The following GALNT14 variants were observed in gnomAD, a reference collection of about 807,000 sequenced individuals.
GALNT14 encodes the protein UDP-GalNAc:polypeptide N-acetylgalactosaminyltransferase 14.
Under a neutral mutation model 77.5 loss-of-function variants are expected in GALNT14, and 60 were observed. The observed-to-expected ratio is 0.77, with a 90% CI of 0.63 to 0.96. The LOEUF is 0.96. GALNT14 is among the 40% of genes least tolerant of loss of function. The probability of loss-of-function intolerance (pLI) is 0.00; values close to 1 mark genes in which losing one functional copy is unlikely to be tolerated. For missense variants in GALNT14, 710 were observed against 731.0 expected, an observed-to-expected ratio of 0.97 and a Z score of 0.33; for synonymous variants, 280 against 281.7, an observed-to-expected ratio of 0.99 and a Z score of 0.06.
At chr2:31,046,259 C>T (rs1430230778) in intron 1 of GALNT14, among the ~76,000 whole-genome samples, 1 of 146,624 alleles carries the variant, frequency 6.8e-6, no homozygotes, top group Non-Finnish European at 1.5e-5. Context: ...TGGAGTCTCG[C>T]TCTGTCGCCC....
intron 2 of GALNT14, among the ~76,000 whole-genome samples, chr2:30,974,337 T>C (rs1269678888): frequency 1.3e-5 from 2 of 152,260 alleles, no homozygotes; most frequent in Non-Finnish European, 2.9e-5. Flanking sequence ...TCTCTGGCTG[T>C]ATCCCTTTTC....
chr2:31,032,469 AAACAG>A, intron 1 of GALNT14, among the ~76,000 whole-genome samples: 1 of 152,176 alleles, frequency 6.6e-6, no homozygotes, highest in Non-Finnish European at 1.5e-5. Context: ...AGGCTGCAAG[AAACAG>A]ATGAAGTAGG....
At chr2:31,011,394 C>T (rs894941196) in intron 1 of GALNT14, among the ~76,000 whole-genome samples, 11 of 152,322 alleles carry the variant, frequency 7.2e-5, no homozygotes, top group African/African-American at 2.4e-4. Context: ...AACCTTGAAT[C>T]CTCGGGTAAA....
At chr2:30,988,688 AGGT>A (rs1558470225) in intron 2 of GALNT14, among the ~76,000 whole-genome samples, 1 of 152,212 alleles carries the variant, frequency 6.6e-6, no homozygotes, top group Admixed American at 6.5e-5. Context: ...AATAAGCCAC[AGGT>A]ACAGGCTGAT....
At chr2:30,996,541 C>T (rs926869615) in intron 1 of GALNT14, among the ~76,000 whole-genome samples, 1 of 152,330 alleles carries the variant, frequency 6.6e-6, no homozygotes, top group Non-Finnish European at 1.5e-5. Flanking sequence ...GCACAACTGA[C>T]CTCTTGGCCT....
the GALNT14 span, among the ~76,000 whole-genome samples, chr2:30,887,729 C>CT: frequency 6.6e-6 from 1 of 152,248 alleles, no homozygotes; most frequent in East Asian, 1.9e-4. Flanking sequence ...CAATTTATCT[C>CT]TTTTTTCTCT....
chr2:30,989,820 A>G (rs940359849), intron 2 of GALNT14, among the ~76,000 whole-genome samples: 1 of 151,172 alleles, frequency 6.6e-6, no homozygotes, highest in African/African-American at 2.4e-5. Context: ...GGTACAGAGA[A>G]GCTAGGCAAC....
chr2:30,925,972 CT>C (rs1417865123), intron 11 of GALNT14, among the ~76,000 whole-genome samples: 1 of 152,142 alleles, frequency 6.6e-6, no homozygotes, highest in African/African-American at 2.4e-5. Context: ...GCCTCCACAC[CT>C]CTCGGCACCC....
At chr2:31,066,208 G>A (rs559158331) in intron 1 of GALNT14, among the ~76,000 whole-genome samples, 5 of 152,224 alleles carry the variant, frequency 3.3e-5, no homozygotes, top group South Asian at 4.2e-4. Context: ...GCTTTGCATC[G>A]GCTCCTCAGC....
chr2:31,072,375 CT>C lies in GALNT14; in HGVS notation c.129+65582del, dbSNP rs375698800. 1.9e-3 allele frequency among the ~76,000 whole-genome samples: 291 copies of C among 150,760 alleles called. 1 individual carries two copies. Among genetic ancestry groups the C allele is most frequent in the African/African-American group, 6.8e-3 (279 of 40,836 alleles). ...TCAAAATTTTTGTCTCTCTTGCTCT[CT>C]TTTTTTTTCTTTTGTTCCCTCATTG... is the stretch of plus-strand genomic sequence containing the variant. On this transcript the variant is annotated intron_variant, in intron 1 of 14. Transcript: ENST00000349752.
chr2:30,981,876 A>C (rs928738995), intron 2 of GALNT14, among the ~76,000 whole-genome samples: 1 of 152,190 alleles, frequency 6.6e-6, no homozygotes, highest in African/African-American at 2.4e-5. Context: ...ATTGTTGGGC[A>C]GTATCTTAGA....
intron 1 of GALNT14, among the ~76,000 whole-genome samples, chr2:31,011,897 ACGCT>A (rs1451313369): frequency 1.3e-5 from 2 of 152,172 alleles, no homozygotes; most frequent in Non-Finnish European, 2.9e-5. Flanking sequence ...GGCTGCCATA[ACGCT>A]CAGCCGGGAA....
At chr2:31,115,063 C>A (rs1678040570) in intron 1 of GALNT14, among the ~76,000 whole-genome samples, 1 of 151,834 alleles carries the variant, frequency 6.6e-6, no homozygotes, top group Non-Finnish European at 1.5e-5. Flanking sequence ...CCTGGGCAAC[C>A]TAGCAAGACC....
At chr2:31,037,037 T>G (rs1442011433) in intron 1 of GALNT14, among the ~76,000 whole-genome samples, 1 of 152,182 alleles carries the variant, frequency 6.6e-6, no homozygotes, top group Non-Finnish European at 1.5e-5. Context: ...TTTCATAAAT[T>G]TGAGGAGTGT....
At chr2:31,083,148 C>G (rs1184256323) in intron 1 of GALNT14, among the ~76,000 whole-genome samples, 1 of 152,198 alleles carries the variant, frequency 6.6e-6, no homozygotes, top group Non-Finnish European at 1.5e-5. Flanking sequence ...GCATCCAGTG[C>G]TATCACTAGA....
At chr2:31,124,113 A>G (rs1466445682) in intron 1 of GALNT14, among the ~76,000 whole-genome samples, 1 of 152,142 alleles carries the variant, frequency 6.6e-6, no homozygotes, top group African/African-American at 2.4e-5. Context: ...TGTTCGGACA[A>G]ACTTGATCCA....
intron 1 of GALNT14, among the ~76,000 whole-genome samples, chr2:31,036,714 T>A (rs141740551): frequency 7.2e-5 from 11 of 152,340 alleles, no homozygotes; most frequent in Non-Finnish European, 1.2e-4. Context: ...TCAGTTTTTG[T>A]TTATTTGAGA....
At chr2:30,981,862 A>AG (rs1228279582) in intron 2 of GALNT14, among the ~76,000 whole-genome samples, 3 of 152,216 alleles carry the variant, frequency 2.0e-5, no homozygotes, top group Non-Finnish European at 4.4e-5. Context: ...AGGGAGCTGA[A>AG]GGCATTGTTG....
downstream of GALNT14, among the ~76,000 whole-genome samples, chr2:30,908,229 G>A (rs1359546003): frequency 5.9e-5 from 9 of 151,682 alleles, no homozygotes; most frequent in Middle Eastern, 0.014. Flanking sequence ...GGCAGGAGAA[G>A]GAAATAAAGG....
Sources: gnomAD v4.1 joint callset for allele counts (sites outside exome capture counted in the v4.1 genomes callset) on GRCh38, gnomAD v4.1.1 for gene constraint, MANE v1.5 for transcripts, NCBI Gene and HGNC (gene_info 2026-07-23, HGNC 2026-07-21) for gene names.